The following C2CD3 variants were observed in gnomAD, a reference collection of about 807,000 sequenced individuals.
C2CD3 encodes the protein C2 domain containing 3 centriole elongation regulator.
In C2CD3, 148 loss-of-function variants were observed where a neutral mutation model predicts 234.0. The ratio of observed to expected loss-of-function variants is 0.63; its 90% confidence interval spans 0.55 to 0.72. The LOEUF is 0.72. C2CD3 is among the 30% of genes least tolerant of loss of function. The probability of loss-of-function intolerance (pLI) is 0.00; values close to 1 mark genes in which losing one functional copy is unlikely to be tolerated. For missense variants in C2CD3, 2,577 were observed against 2,811.5 expected, an observed-to-expected ratio of 0.92 and a Z score of 1.89; for synonymous variants, 1,000 against 1,035.4, an observed-to-expected ratio of 0.97 and a Z score of 0.66.
intron 1 of C2CD3, among the ~76,000 whole-genome samples, chr11:74,169,618 C>G (rs1176178374): frequency 2.6e-5 from 4 of 152,158 alleles, no homozygotes; most frequent in Non-Finnish European, 5.9e-5. Flanking sequence ...AAAAATTATA[C>G]ACAGTTGTGT....
chr11:74,107,322 T>TCA (rs142285119), intron 12 of C2CD3, among the ~76,000 whole-genome samples: 6,763 of 146,546 alleles, frequency 0.046, 153 homozygotes, highest in Non-Finnish European at 0.06. Context: ...TGAAACTGTG[T>TCA]CACACACACA....
chr11:74,106,153 G>A (rs1437964267), intron 13 of C2CD3, among the ~76,000 whole-genome samples: 2 of 152,018 alleles, frequency 1.3e-5, no homozygotes, highest in Non-Finnish European at 2.9e-5. Context: ...CACCTCCATA[G>A]AAAGATCCTC....
In C2CD3 at chr11:74,095,179, C is replaced by G. The variant is rs150578498; in HGVS notation, c.3160+49G>C. On this transcript the variant is annotated intron_variant, in intron 17 of 32. Transcript: ENST00000334126. Reference sequence around the variant, plus strand: ...GAAAAAAAAAACTCTTAAGTATAATCTAATAAAAGAACCATATAAGAATAA... The same window carrying G: ...GAAAAAAAAAACTCTTAAGTATAATGTAATAAAAGAACCATATAAGAATAA... The G allele has an allele frequency of 1.5e-4, 187 of 1,273,616 alleles. 1 individual carries two copies. Among genetic ancestry groups the G allele is most frequent in the African/African-American group, 9.4e-4 (62 of 65,712 alleles). The allele number at this position is 1,273,616 out of a possible 1,614,324, so 78.9% of individuals were successfully genotyped here.
rs372587472 is a variant in C2CD3 at position 74,103,331 on chromosome 11, T to G, written c.2380A>C (p.Thr794Pro). 5 of 1,614,106 alleles carry G rather than the reference T, an allele frequency of 3.1e-6. No homozygotes were observed. Among genetic ancestry groups the G allele is most frequent in the Non-Finnish European group, 3.4e-6 (4 of 1,180,044 alleles). ...GCACTCTCTTTTGTTGTCCCATTTG[T>G]CTGATTGACTAAATTATGGGAGGCT... ...TPASHNLVNQTNGTTKESALL... is the reference protein window; with the variant it reads ...TPASHNLVNQPNGTTKESALL... Residue 794 changes from threonine to proline, a missense_variant, in exon 14 of 33, where the codon ACA becomes CCA. Transcript: ENST00000334126.
chr11:74,021,841 G>C (rs1460507649), intron 32 of C2CD3, among the ~76,000 whole-genome samples: 3 of 152,134 alleles, frequency 2.0e-5, no homozygotes, highest in Admixed American at 6.6e-5. Context: ...AAATAGTCGG[G>C]GGGGCTGGGC....
chr11:74,143,019 C>T (rs191226438), intron 3 of C2CD3, among the ~76,000 whole-genome samples: 12 of 152,290 alleles, frequency 7.9e-5, no homozygotes, highest in African/African-American at 2.6e-4. Flanking sequence ...CCTACACTTG[C>T]CAGGCTAAAG....
intron 24 of C2CD3, among the ~76,000 whole-genome samples, chr11:74,059,374 G>A (rs1474670620): frequency 1.5e-5 from 2 of 129,232 alleles, no homozygotes; most frequent in East Asian, 2.2e-4. Flanking sequence ...TTGCACCACT[G>A]CACTCCAGCC....
In C2CD3 at chr11:74,123,038, C is replaced by T. The variant is rs200812791; in HGVS notation, c.1315G>A (p.Asp439Asn). Residue 439 changes from aspartate to asparagine, a missense_variant, in exon 8 of 33, where the codon GAC becomes AAC. Transcript: ENST00000334126. ...AGAAGACTCTGGTCATACTGAGGGT[C>T]ATTCAGCTCACTGATGCAATACACA... is the stretch of plus-strand genomic sequence containing the variant. ...SDVYCISELN[D>N]PQYDQSLLEN... 35 of 1,613,402 alleles carry T rather than the reference C, an allele frequency of 2.2e-5. No individual in the cohort carries two copies. The Middle Eastern group carries it at 5.0e-4, about 23-fold the overall frequency.
chr11:74,114,321 T>C, intron 10 of C2CD3, 63 bp downstream of exon 10: 1 of 1,088,232 alleles, frequency 9.2e-7, no homozygotes, highest in Non-Finnish European at 1.4e-6. Context: ...CAATTGTTGA[T>C]TATTACCATC....
At chr11:74,025,167 T>G (rs1217247431) in intron 32 of C2CD3, among the ~76,000 whole-genome samples, 1 of 152,118 alleles carries the variant, frequency 6.6e-6, no homozygotes, top group Non-Finnish European at 1.5e-5. Flanking sequence ...CTGGCCCCAT[T>G]TTTCATTAAT....
intron 10 of C2CD3, among the ~76,000 whole-genome samples, 176 bp from the exon 11 acceptor site, chr11:74,114,068 T>G (rs1349808946): frequency 1.3e-5 from 2 of 152,208 alleles, no homozygotes; most frequent in African/African-American, 4.8e-5. Context: ...CTCCCTTTCT[T>G]GTGTTCCCAC....
rs1295834636 is a variant in C2CD3, at chr11:74,078,247, C to T, written c.4471G>A (p.Glu1491Lys). The stretch of plus-strand genomic sequence containing the variant: ...CCATAAGCTCGCCACACTTGGATCT[C>T]TAGCCTCTCCTCCCTGAAGTACCAA... ...LLWYFREERLEIQVWRAYGND... is the reference protein window; with the variant it reads ...LLWYFREERLKIQVWRAYGND... The change falls in exon 23 of 33, where the codon GAG becomes AAG. Residue 1491 changes from glutamate (E) to lysine (K), a missense_variant. Glu to Lys is a moderately conservative substitution (Grantham distance 56). Transcript: ENST00000334126. The T allele has an allele frequency of 6.2e-7, 1 of 1,614,140 alleles. No individual in the cohort carries two copies. Among genetic ancestry groups the T allele is most frequent in the Admixed American group, 1.7e-5 (1 of 60,014 alleles).
chr11:74,138,053 T>G (rs1302121894), intron 5 of C2CD3, among the ~76,000 whole-genome samples: 1 of 152,248 alleles, frequency 6.6e-6, no homozygotes, highest in Non-Finnish European at 1.5e-5. Flanking sequence ...AAATTTTACT[T>G]GTAGGGATGT....
At chr11:74,099,678 T>C (rs1027095711) in intron 15 of C2CD3, among the ~76,000 whole-genome samples, 3 of 152,060 alleles carry the variant, frequency 2.0e-5, no homozygotes, top group African/African-American at 7.2e-5. Context: ...GGGCGGATCA[T>C]GAGGTCAGGA....
intron 24 of C2CD3, among the ~76,000 whole-genome samples, chr11:74,058,183 T>C (rs917727503): frequency 1.3e-5 from 2 of 152,206 alleles, no homozygotes; most frequent in Non-Finnish European, 2.9e-5. Context: ...CTCTGCCACA[T>C]ACATGCAATG....
At chr11:74,140,082 AC>A (rs1958004585) in intron 3 of C2CD3, among the ~76,000 whole-genome samples, 2 of 144,618 alleles carry the variant, frequency 1.4e-5, no homozygotes, top group African/African-American at 5.2e-5. Context: ...CCCATTCCCT[AC>A]AGGATTGTAA....
rs564734767 is a variant in C2CD3, at chr11:74,153,424, A to G, written c.483+7975T>C. ...AAACCTGTCTTTATCCACAGATGAC[A>G]TCATTGTCTATAGAGAAAATTCTCA... On this transcript the variant is annotated intron_variant, in intron 3 of 32. Transcript: ENST00000334126. Among the ~76,000 whole-genome samples, 3 of 152,354 alleles carry G rather than the reference A, an allele frequency of 2.0e-5. No homozygotes were observed. The East Asian group carries it at 5.8e-4, about 29-fold the overall frequency.
chr11:74,084,480 T>C (rs1955550414), intron 22 of C2CD3, among the ~76,000 whole-genome samples: 2 of 151,924 alleles, frequency 1.3e-5, no homozygotes, highest in African/African-American at 4.8e-5. Flanking sequence ...TTCACCATGT[T>C]AGCCAGGCTG....
intron 4 of C2CD3, among the ~76,000 whole-genome samples, chr11:74,139,264 T>C (rs1957968011): frequency 6.6e-6 from 1 of 152,208 alleles, no homozygotes; most frequent in South Asian, 2.1e-4. Flanking sequence ...AACAAAAACC[T>C]GATTCTTATT....
Sources: gnomAD v4.1 joint callset for allele counts (sites outside exome capture counted in the v4.1 genomes callset) on GRCh38, gnomAD v4.1.1 for gene constraint, MANE v1.5 for transcripts, NCBI Gene and HGNC (gene_info 2026-07-23, HGNC 2026-07-21) for gene names.